The following SLIT3 variants were observed in gnomAD, a reference collection of about 807,000 sequenced individuals.
The protein encoded by SLIT3 is slit guidance ligand 3.
Under a neutral mutation model 184.0 loss-of-function variants are expected in SLIT3, and 68 were observed. The observed-to-expected ratio is 0.37, with a 90% CI of 0.30 to 0.45. The LOEUF is 0.45. SLIT3 is among the 20% of genes least tolerant of loss of function. The probability of loss-of-function intolerance (pLI) is 1.00; values close to 1 mark genes in which losing one functional copy is unlikely to be tolerated. For synonymous variants in SLIT3, 831 were observed against 828.6 expected (o/e 1.00, Z -0.05); for missense variants, 1,707 against 2,026.0 (o/e 0.84, Z 3.02).
chr5:168,904,254 A>G (rs781477533), intron 4 of SLIT3, among the ~76,000 whole-genome samples: 1 of 152,202 alleles, frequency 6.6e-6, no homozygotes, highest in Non-Finnish European at 1.5e-5. Flanking sequence ...GATTAAAAAA[A>G]TAAACCTTTG....
intron 4 of SLIT3, among the ~76,000 whole-genome samples, chr5:169,189,533 T>TGG (rs1763474345): frequency 2.7e-4 from 1 of 3,714 alleles, no homozygotes; most frequent in African/African-American, 1.1e-3. Context: ...ATGGGATATA[T>TGG]ATATATATAT....
chr5:168,736,578 G>C (rs899934303), intron 20 of SLIT3, among the ~76,000 whole-genome samples: 1 of 152,196 alleles, frequency 6.6e-6, no homozygotes, highest in Non-Finnish European at 1.5e-5. Context: ...AGGCCCAGCT[G>C]TCAGGATGGA....
At chr5:168,907,923 T>G (rs1444899521) in intron 4 of SLIT3, among the ~76,000 whole-genome samples, 1 of 93,246 alleles carries the variant, frequency 1.1e-5, no homozygotes, top group Admixed American at 1.2e-4. Context: ...TCTATATCTA[T>G]TTTATATATA....
At chr5:168,923,911 G>C (rs1267306302) in intron 4 of SLIT3, among the ~76,000 whole-genome samples, 1 of 152,242 alleles carries the variant, frequency 6.6e-6, no homozygotes, top group Admixed American at 6.5e-5. Flanking sequence ...CTGAAATAAA[G>C]GTTACCGGAA....
intron 4 of SLIT3, among the ~76,000 whole-genome samples, chr5:168,909,599 A>G: frequency 6.6e-6 from 1 of 152,182 alleles, no homozygotes; most frequent in East Asian, 1.9e-4. Context: ...TGCCCACTTC[A>G]CTCAATGACT....
chr5:168,986,216 G>C (rs1368131204), intron 4 of SLIT3, among the ~76,000 whole-genome samples: 1 of 152,100 alleles, frequency 6.6e-6, no homozygotes, highest in Non-Finnish European at 1.5e-5. Flanking sequence ...ATGCTAAGTA[G>C]GCAAATTTCA....
intron 5 of SLIT3, among the ~76,000 whole-genome samples, chr5:168,857,383 G>C (rs1276446792): frequency 2.0e-5 from 3 of 150,858 alleles, no homozygotes; most frequent in Non-Finnish European, 3.0e-5. Flanking sequence ...TTTTTGTTTT[G>C]TTTTGTTTTG....
intron 4 of SLIT3, among the ~76,000 whole-genome samples, chr5:168,892,555 C>T (rs905398061): frequency 6.6e-6 from 1 of 152,150 alleles, no homozygotes; most frequent in Non-Finnish European, 1.5e-5. Flanking sequence ...GGTTGAAAGC[C>T]CTGAATCCAG....
chr5:168,749,309 G>A (rs1754613378), intron 19 of SLIT3, among the ~76,000 whole-genome samples, 163 bp downstream of exon 19: 1 of 152,218 alleles, frequency 6.6e-6, no homozygotes, highest in African/African-American at 2.4e-5. Context: ...GCATGAAGGA[G>A]CCATGTGGGC....
intron 4 of SLIT3, among the ~76,000 whole-genome samples, chr5:169,057,497 C>T (rs920515873): frequency 6.6e-6 from 1 of 152,180 alleles, no homozygotes; most frequent in African/African-American, 2.4e-5. Context: ...GCAAAAGCAG[C>T]GTCTGAAAGT....
intron 4 of SLIT3, among the ~76,000 whole-genome samples, chr5:169,140,730 G>T (rs1018724704): frequency 3.3e-5 from 5 of 152,052 alleles, no homozygotes; most frequent in African/African-American, 1.2e-4. Context: ...AGTCCAGAAG[G>T]TCTAGGCTGC....
At chr5:168,775,162 TGAG>T (rs930490485) in intron 12 of SLIT3, among the ~76,000 whole-genome samples, 1 of 151,868 alleles carries the variant, frequency 6.6e-6, no homozygotes, top group African/African-American at 2.4e-5. Context: ...CTCAGGCTCC[TGAG>T]GAGCTGGGAT....
chr5:168,728,879 C>T, intron 20 of SLIT3, among the ~76,000 whole-genome samples: 1 of 151,208 alleles, frequency 6.6e-6, no homozygotes, highest in East Asian at 1.9e-4. Flanking sequence ...GATCACACCA[C>T]TGCACTTCAG....
chr5:169,041,463 G>T (rs1431441576), intron 4 of SLIT3, among the ~76,000 whole-genome samples: 16 of 152,142 alleles, frequency 1.1e-4, no homozygotes, highest in Non-Finnish European at 1.8e-4. Flanking sequence ...TTGAGAGGGA[G>T]ACAGCAGGGA....
chr5:168,776,722 G>A (rs1052430209), intron 12 of SLIT3, among the ~76,000 whole-genome samples: 1 of 152,114 alleles, frequency 6.6e-6, no homozygotes. Flanking sequence ...TGCATTTTGG[G>A]GGCATTTGAA....
intron 4 of SLIT3, chr5:169,018,847 A>G (rs1756492479): frequency 6.6e-6 from 1 of 152,106 alleles, no homozygotes; most frequent in Non-Finnish European, 1.5e-5. Context: ...TTTTGACTAC[A>G]TCTTTGGAAC....
chr5:168,890,211 GT>G (rs1440039483), intron 4 of SLIT3, among the ~76,000 whole-genome samples: 1 of 149,706 alleles, frequency 6.7e-6, no homozygotes, highest in Non-Finnish European at 1.5e-5. Flanking sequence ...AAGAAAGCTT[GT>G]CTCTAAACTC....
At chr5:169,094,698 A>G (rs545563473) in intron 4 of SLIT3, among the ~76,000 whole-genome samples, 5 of 152,380 alleles carry the variant, frequency 3.3e-5, no homozygotes, top group Admixed American at 2.6e-4. Flanking sequence ...CCCTGTGGGC[A>G]GAATAGAGTG....
intron 4 of SLIT3, among the ~76,000 whole-genome samples, chr5:168,900,905 A>G (rs977737429): frequency 2.6e-5 from 4 of 152,196 alleles, no homozygotes; most frequent in Admixed American, 2.6e-4. Context: ...AAGCTAAACA[A>G]TGTGTACACA....
Sources: gnomAD v4.1 joint callset for allele counts (sites outside exome capture counted in the v4.1 genomes callset) on GRCh38, gnomAD v4.1.1 for gene constraint, MANE v1.5 for transcripts, NCBI Gene and HGNC (gene_info 2026-07-23, HGNC 2026-07-21) for gene names.